Variants in TRPM7 observed in about 807,000 individuals in gnomAD.
TRPM7 encodes LTRPC ion channel family member 7.
Under a neutral mutation model 229.7 loss-of-function variants are expected in TRPM7, and 134 were observed. That is an observed-to-expected ratio of 0.58 (90% CI 0.51 to 0.67). The LOEUF (loss-of-function observed/expected upper bound fraction) is 0.67. Ranked by LOEUF, TRPM7 falls within the 30% of genes least tolerant of loss-of-function variation. The probability of loss-of-function intolerance (pLI) is 0.00; values close to 1 mark genes in which losing one functional copy is unlikely to be tolerated. For synonymous variants in TRPM7, 699 were observed against 715.2 expected, an observed-to-expected ratio of 0.98 and a Z score of 0.36; for missense variants, 1,901 against 2,210.0, an observed-to-expected ratio of 0.86 and a Z score of 2.80.
intron 7 of TRPM7, 81 bp from the exon 8 acceptor site, chr15:50,634,637 C>CAGT (rs2060835489): frequency 2.0e-6 from 2 of 1,016,884 alleles, no homozygotes; most frequent in African/African-American, 3.4e-5. Context: ...AGGCAAAATT[C>CAGT]AGTACTCTAA....
At chr15:50,661,759 T>A (rs1422996808) in intron 2 of TRPM7, among the ~76,000 whole-genome samples, 1 of 152,154 alleles carries the variant, frequency 6.6e-6, no homozygotes, top group Non-Finnish European at 1.5e-5. Context: ...GAGAACACAG[T>A]GTGACAGGAG....
At chr15:50,638,567 T>C (rs911315714) in intron 6 of TRPM7, among the ~76,000 whole-genome samples, 3 of 151,594 alleles carry the variant, frequency 2.0e-5, no homozygotes, top group African/African-American at 7.3e-5. Flanking sequence ...AAAGACACTG[T>C]AAAAAACAAT....
intron 5 of TRPM7, among the ~76,000 whole-genome samples, chr15:50,643,035 T>TA (rs1214393441): frequency 2.0e-5 from 3 of 152,240 alleles, no homozygotes; most frequent in African/African-American, 7.2e-5. Context: ...CTAATGCCTG[T>TA]AATCCCAGCA....
In TRPM7 at chr15:50,580,885, T is replaced by A; in HGVS notation, c.4581A>T (p.Ser1527=). The change falls in exon 30 of 39, where the codon TCA becomes TCT. Residue 1527 remains serine (S), a synonymous_variant. Coordinates refer to ENST00000646667, the MANE Select transcript of TRPM7 (RefSeq NM_017672.6). ...LIPDWLQDRP[S]NREMPSEEGT... ...AAAAGCTTACTTACATTTCTCTGTT[T>A]GATGGTCTATCTTGTAACCAATCCT... 1 of 1,586,534 alleles carries A rather than the reference T, an allele frequency of 6.3e-7. No homozygotes were observed.
intron 21 of TRPM7, 31 bp from the exon 22 acceptor site, chr15:50,599,327 A>AG (rs747523367): frequency 6.5e-7 from 1 of 1,536,806 alleles, no homozygotes; most frequent in Non-Finnish European, 8.9e-7. Context: ...TTAAAATACA[A>AG]GGAAGTTTAA....
At chr15:50,624,114 C>G in intron 12 of TRPM7, 52 bp downstream of exon 12, 1 of 1,540,476 alleles carries the variant, frequency 6.5e-7, no homozygotes, top group Non-Finnish European at 8.7e-7. Context: ...GGTAAAGTAA[C>G]ATTTCCCAAA....
At chr15:50,641,322 ACT>A (rs1253806930) in intron 5 of TRPM7, among the ~76,000 whole-genome samples, 1 of 151,340 alleles carries the variant, frequency 6.6e-6, no homozygotes, top group African/African-American at 2.4e-5. Context: ...ATCACCTAGC[ACT>A]CTCTGCTTAT....
chr15:50,648,447 C>T (rs967201964), intron 4 of TRPM7, among the ~76,000 whole-genome samples: 2 of 152,132 alleles, frequency 1.3e-5, no homozygotes, highest in Admixed American at 1.3e-4. Context: ...GGCTTAACTA[C>T]ACTGATTGCA....
chr15:50,594,006 T>A (rs2059571605), intron 24 of TRPM7, among the ~76,000 whole-genome samples: 1 of 152,178 alleles, frequency 6.6e-6, no homozygotes, highest in Admixed American at 6.5e-5. Context: ...CCCTCCGCTA[T>A]CTCTCTCATA....
chr15:50,588,807 A>C (rs1341197825), intron 27 of TRPM7, among the ~76,000 whole-genome samples: 1 of 152,234 alleles, frequency 6.6e-6, no homozygotes, highest in Admixed American at 6.5e-5. Flanking sequence ...TTTGCAGGCA[A>C]GAATACACCT....
intron 5 of TRPM7, among the ~76,000 whole-genome samples, chr15:50,640,732 T>C (rs1457916971): frequency 1.3e-5 from 2 of 152,070 alleles, no homozygotes; most frequent in Non-Finnish European, 2.9e-5. Flanking sequence ...TATGTGACGA[T>C]TAATTTAAAA....
chr15:50,605,100 T>C lies in TRPM7; in HGVS notation c.2754A>G (p.Val918=), dbSNP rs2140436194. ...TGATGTTGAAGTAATCACTAAACCATACTTTAATCTTCTGGTTTACTTTCC... is the reference window on the plus strand; with the variant it reads ...TGATGTTGAAGTAATCACTAAACCACACTTTAATCTTCTGGTTTACTTTCC... The part of the protein sequence containing the change: ...EAGKVNQKIK[V]WFSDYFNISD... The change falls in exon 21 of 39, where the codon GTA becomes GTG. Residue 918 remains valine (V), a synonymous_variant. Coordinates refer to ENST00000646667, the MANE Select transcript of TRPM7 (RefSeq NM_017672.6). 1 of 1,608,502 alleles carries C rather than the reference T, an allele frequency of 6.2e-7. No homozygotes were observed. Among genetic ancestry groups the C allele is most frequent in the Non-Finnish European group, 8.5e-7 (1 of 1,177,884 alleles).
At chr15:50,611,365 G>A (rs193096770) in intron 16 of TRPM7, 44 bp from the exon 17 acceptor site, 4 of 1,470,988 alleles carry the variant, frequency 2.7e-6, no homozygotes, top group Middle Eastern at 1.7e-4. Context: ...TTAACAAACT[G>A]CAATTTTAAA....
chr15:50,662,408 T>G (rs1343456860), intron 2 of TRPM7, among the ~76,000 whole-genome samples: 1 of 152,180 alleles, frequency 6.6e-6, no homozygotes, highest in African/African-American at 2.4e-5. Flanking sequence ...TTTCTTCAGT[T>G]ACTAAGTTAA....
At chr15:50,656,206 A>G (rs1298588096) in intron 3 of TRPM7, among the ~76,000 whole-genome samples, 3 of 152,208 alleles carry the variant, frequency 2.0e-5, no homozygotes, top group Non-Finnish European at 4.4e-5. Context: ...CAAACAAGAG[A>G]CACCAGATGG....
intron 22 of TRPM7, 41 bp downstream of exon 22, chr15:50,599,080 CA>C (rs746176746): frequency 6.9e-7 from 1 of 1,451,484 alleles, no homozygotes; most frequent in South Asian, 1.4e-5. Flanking sequence ...TTTTAAAACA[CA>C]AAATAACCAA....
chr15:50,644,797 C>CAAA (rs201997665), intron 4 of TRPM7, among the ~76,000 whole-genome samples: 1,008 of 64,708 alleles, frequency 0.016, 70 homozygotes, highest in African/African-American at 0.086. Flanking sequence ...AACTGCGTCT[C>CAAA]AAAAAAAAAA....
chr15:50,656,564 A>G (rs1331080321), intron 3 of TRPM7, among the ~76,000 whole-genome samples: 1 of 148,188 alleles, frequency 6.7e-6, no homozygotes, highest in African/African-American at 2.5e-5. Flanking sequence ...TCAAACTCCT[A>G]GGCTCAAACC....
intron 4 of TRPM7, among the ~76,000 whole-genome samples, chr15:50,646,501 C>T (rs1450383969): frequency 6.6e-6 from 1 of 152,122 alleles, no homozygotes; most frequent in South Asian, 2.1e-4. Flanking sequence ...CCAGGCTGGT[C>T]TCAAACTCCT....
Sources: allele counts gnomAD v4.1 joint callset (sites outside exome capture counted in the v4.1 genomes callset), GRCh38; gene constraint gnomAD v4.1.1; transcripts MANE v1.5; gene names NCBI Gene and HGNC (gene_info 2026-07-23, HGNC 2026-07-21).